TRAPPC9: variants seen among roughly 807,000 people sequenced by gnomAD.
TRAPPC9 encodes trafficking protein particle complex subunit 9.
TRAPPC9 carries 83 observed loss-of-function variants against 124.0 expected under a neutral mutation model. That is an observed-to-expected ratio of 0.67 (90% CI 0.56 to 0.80). The LOEUF (loss-of-function observed/expected upper bound fraction) is 0.80. TRAPPC9 is among the 30% of genes least tolerant of loss of function. The pLI is 0.00. For missense variants in TRAPPC9, 1,302 were observed against 1,508.3 expected (o/e 0.86, Z 2.27); for synonymous variants, 638 against 617.5 (o/e 1.03, Z -0.49).
chr8:140,251,688 A>C (rs1323786063), intron 16 of TRAPPC9, among the ~76,000 whole-genome samples: 1 of 152,100 alleles, frequency 6.6e-6, no homozygotes, highest in Non-Finnish European at 1.5e-5. Context: ...TTTGGGAGGT[A>C]ATTAGGGTTA....
intron 7 of TRAPPC9, among the ~76,000 whole-genome samples, chr8:140,394,521 C>T (rs150960050): frequency 6.6e-6 from 1 of 152,188 alleles, no homozygotes; most frequent in East Asian, 1.9e-4. Context: ...GGTTATGCAG[C>T]GAACAGGTGG....
intron 21 of TRAPPC9, among the ~76,000 whole-genome samples, chr8:139,860,538 C>T (rs183647462): frequency 9.3e-4 from 141 of 152,346 alleles, no homozygotes; most frequent in Non-Finnish European, 1.4e-3. Flanking sequence ...GAGGCTCTGA[C>T]AGTCCTCATG....
chr8:140,312,099 G>T (rs1292161655), intron 9 of TRAPPC9, among the ~76,000 whole-genome samples: 3 of 152,212 alleles, frequency 2.0e-5, no homozygotes, highest in African/African-American at 7.2e-5. Flanking sequence ...CTGAGACCAA[G>T]GGAAATTAAG....
In TRAPPC9 at chr8:140,018,480, C is replaced by T. The variant is rs1052663301; in HGVS notation, c.2699+5457G>A. Among the ~76,000 whole-genome samples the T allele has an allele frequency of 7.2e-5, 11 of 151,938 alleles. No homozygotes were observed. The East Asian group carries it at 9.7e-4, about 13-fold the overall frequency. On this transcript the variant is annotated intron_variant, in intron 18 of 22. Coordinates refer to ENST00000438773, the MANE Select transcript of TRAPPC9 (RefSeq NM_001160372.4). The stretch of plus-strand genomic sequence containing the variant: ...CTGGGACTACAGGTGCCCACCACCA[C>T]GCCCGGCTAATTTTGTTTTTGTATT...
At chr8:140,254,761 T>C (rs1563886140) in intron 15 of TRAPPC9, among the ~76,000 whole-genome samples, 2 of 152,200 alleles carry the variant, frequency 1.3e-5, no homozygotes, top group Non-Finnish European at 2.9e-5. Flanking sequence ...GAGACGGTTT[T>C]AGAGAGATGA....
intron 21 of TRAPPC9, among the ~76,000 whole-genome samples, chr8:139,855,629 G>C (rs1029790449): frequency 6.6e-6 from 1 of 152,184 alleles, no homozygotes; most frequent in African/African-American, 2.4e-5. Context: ...CTCTTCAGGG[G>C]AGTCTTATGC....
intron 17 of TRAPPC9, among the ~76,000 whole-genome samples, chr8:140,100,879 G>A (rs1046281316): frequency 7.2e-5 from 11 of 152,208 alleles, no homozygotes; most frequent in Admixed American, 5.9e-4. Flanking sequence ...GTTCGGAGGC[G>A]TCAGCGCTAA....
intron 13 of TRAPPC9, among the ~76,000 whole-genome samples, chr8:140,284,556 TA>T (rs1037362367): frequency 3.3e-5 from 5 of 151,422 alleles, no homozygotes; most frequent in East Asian, 3.9e-4. Flanking sequence ...TTTCCCATGT[TA>T]AAAAAAAAGT....
intron 21 of TRAPPC9, among the ~76,000 whole-genome samples, chr8:139,828,796 CCCCCA>C (rs1825795313): frequency 6.6e-6 from 1 of 152,144 alleles, no homozygotes; most frequent in Non-Finnish European, 1.5e-5. Context: ...GGCCCTCTGT[CCCCCA>C]GAGCCCAACG....
chr8:140,285,646 C>G (rs950774835), intron 13 of TRAPPC9, among the ~76,000 whole-genome samples: 2 of 151,956 alleles, frequency 1.3e-5, no homozygotes, highest in Non-Finnish European at 2.9e-5. Context: ...CCCAAATGTA[C>G]CATGTTCTCT....
At chr8:140,314,698 T>C (rs1227157276) in intron 9 of TRAPPC9, among the ~76,000 whole-genome samples, 2 of 152,246 alleles carry the variant, frequency 1.3e-5, no homozygotes, top group Non-Finnish European at 2.9e-5. Flanking sequence ...GAGGGATTTG[T>C]CTTTCTGTGC....
intron 18 of TRAPPC9, among the ~76,000 whole-genome samples, chr8:140,004,197 C>T (rs1249005806): frequency 6.6e-6 from 1 of 152,050 alleles, no homozygotes; most frequent in African/African-American, 2.4e-5. Flanking sequence ...CGGGGAGATG[C>T]AGAGCATGAT....
chr8:139,931,837 T>G, intron 19 of TRAPPC9: 1 of 173,674 alleles, frequency 5.8e-6, no homozygotes, highest in Non-Finnish European at 1.2e-5. Context: ...GGATGAGAAA[T>G]TAAGCCCATT....
At chr8:139,785,943 C>A (rs1359007103) in intron 21 of TRAPPC9, among the ~76,000 whole-genome samples, 1 of 152,100 alleles carries the variant, frequency 6.6e-6, no homozygotes, top group African/African-American at 2.4e-5. Context: ...TGCAGTGGTT[C>A]ACACCTGTAA....
intron 21 of TRAPPC9, among the ~76,000 whole-genome samples, chr8:139,737,540 G>A (rs1818281793): frequency 1.5e-5 from 2 of 133,282 alleles, no homozygotes; most frequent in South Asian, 4.4e-4. Context: ...ACTGTTCTCT[G>A]GGGCTGGCCC....
intron 17 of TRAPPC9, among the ~76,000 whole-genome samples, chr8:140,194,827 C>T (rs1456948782): frequency 1.3e-5 from 2 of 151,208 alleles, no homozygotes; most frequent in African/African-American, 4.9e-5. Context: ...TATCGTACAG[C>T]TCACACCTCT....
At chr8:139,752,084 T>C (rs1019181425) in intron 21 of TRAPPC9, among the ~76,000 whole-genome samples, 5 of 148,540 alleles carry the variant, frequency 3.4e-5, no homozygotes, top group African/African-American at 1.2e-4. Context: ...CCACCATTCA[T>C]CCACTCTACA....
intron 16 of TRAPPC9, among the ~76,000 whole-genome samples, chr8:140,236,066 T>C (rs1307345746): frequency 6.7e-6 from 1 of 148,592 alleles, no homozygotes; most frequent in Non-Finnish European, 1.5e-5. Context: ...CAAAAGAAAG[T>C]ACACTGTATT....
At chr8:139,904,401 A>G (rs1221270558) in intron 20 of TRAPPC9, 1 of 152,202 alleles carries the variant, frequency 6.6e-6, no homozygotes, top group East Asian at 1.9e-4. Context: ...AGTGAGGTCC[A>G]CTCTGAAGGA....
Sources: allele counts gnomAD v4.1 joint callset (sites outside exome capture counted in the v4.1 genomes callset), GRCh38; gene constraint gnomAD v4.1.1; transcripts MANE v1.5; gene names NCBI Gene and HGNC (gene_info 2026-07-23, HGNC 2026-07-21).